ARHGEF10: variants seen among roughly 807,000 people sequenced by gnomAD.
ARHGEF10 encodes Rho guanine nucleotide exchange factor (GEF) 10.
A neutral mutation model predicts 147.4 loss-of-function variants in ARHGEF10; 140 were observed. The ratio of observed to expected loss-of-function variants is 0.95; its 90% CI spans 0.83 to 1.09. ARHGEF10 has a LOEUF of 1.09. Among genes scored for constraint, ARHGEF10 ranks in the 50% least tolerant of loss-of-function variants. The pLI is 0.00. For synonymous variants in ARHGEF10, 902 were observed against 695.8 expected (o/e 1.30, Z -4.67); for missense variants, 2,222 against 1,752.7 (o/e 1.27, Z -4.78).
At chr8:1,863,468 G>T (rs542079959) in intron 4 of ARHGEF10, among the ~76,000 whole-genome samples, 2 of 152,354 alleles carry the variant, frequency 1.3e-5, no homozygotes, top group East Asian at 3.9e-4. Context: ...ATTCCCTTTA[G>T]AAAGTGTTTC....
At chr8:1,867,983 A>G (rs1217877733) in intron 6 of ARHGEF10, among the ~76,000 whole-genome samples, 2 of 152,240 alleles carry the variant, frequency 1.3e-5, no homozygotes, top group East Asian at 1.9e-4. Context: ...CTGTTTGCTA[A>G]CAGTTTTATT....
intron 1 of ARHGEF10, among the ~76,000 whole-genome samples, chr8:1,842,630 G>GCCCTGGTCCCT (rs1804183169): frequency 6.6e-6 from 1 of 152,242 alleles, no homozygotes; most frequent in Non-Finnish European, 1.5e-5. Flanking sequence ...CTGGAGCCGA[G>GCCCTGGTCCCT]GCAGCTGGAG....
chr8:1,866,134 T>C (rs1455832167), intron 5 of ARHGEF10, among the ~76,000 whole-genome samples: 1 of 152,154 alleles, frequency 6.6e-6, no homozygotes, highest in Non-Finnish European at 1.5e-5. Flanking sequence ...CTCCTGGACA[T>C]GGAGACGGCC....
intron 15 of ARHGEF10, 114 bp from the exon 16 acceptor site, chr8:1,903,167 C>G (rs1810607426): frequency 7.5e-7 from 1 of 1,333,720 alleles, no homozygotes. Flanking sequence ...TATTTTTCCC[C>G]AGGATGGCAG....
At chr8:1,927,686 G>A (rs1396230653) in intron 23 of ARHGEF10, among the ~76,000 whole-genome samples, 2 of 152,116 alleles carry the variant, frequency 1.3e-5, no homozygotes, top group African/African-American at 2.4e-5. Flanking sequence ...AGGCCGAGGC[G>A]GGTGGATCAC....
rs147395180 is a variant in ARHGEF10, at chr8:1,957,180, G to C, written c.3952G>C (p.Val1318Leu). Residue 1318 changes from valine to leucine, a missense_variant, in exon 29 of 29, where the codon GTG (valine) becomes CTG (leucine). Transcript: ENST00000349830. ...VVCGGQGHRR[V>L]HRKARQPHQE... ...CTGTGGAGGGCAGGGCCACCGCCGG[G>C]TGCACAGGAAGGCCCGGCAGCCCCA... 39 of 1,612,488 alleles carry C rather than the reference G, an allele frequency of 2.4e-5. No homozygotes were observed. The East Asian group carries it at 8.0e-4, about 33-fold the overall frequency.
In ARHGEF10 at chr8:1,823,940, TC is replaced by T. The variant is rs1257613987; in HGVS notation, c.-218del. 6.8e-6 allele frequency: 1 copy of T among 147,786 alleles called. No individual in the cohort carries two copies. 9.2% of individuals were successfully genotyped at this position (147,786 alleles called of 1,614,324 possible). Reference sequence around the variant, plus strand: ...GTCCGGGCGGGAGGGGCTGGGCGCATCCCTGTAGCCGGCGGGCGCGCGATCC... The same window carrying T: ...GTCCGGGCGGGAGGGGCTGGGCGCATCCTGTAGCCGGCGGGCGCGCGATCC... On this transcript the variant is annotated 5_prime_UTR_variant, in exon 1 of 29. Transcript: ENST00000349830.
intron 26 of ARHGEF10, among the ~76,000 whole-genome samples, chr8:1,935,211 ACCCCCCACAACC>A (rs1563309390): frequency 6.6e-6 from 1 of 151,444 alleles, no homozygotes; most frequent in African/African-American, 2.4e-5. Context: ...ACACACGCAC[ACCCCCCACAACC>A]CCCCATCAGC....
chr8:1,939,480 C>T (rs544407358), intron 26 of ARHGEF10, among the ~76,000 whole-genome samples: 2 of 152,334 alleles, frequency 1.3e-5, no homozygotes, highest in African/African-American at 4.8e-5. Context: ...CCCTCCAGGC[C>T]TCAGGCTGGC....
intron 24 of ARHGEF10, 128 bp from the exon 25 acceptor site, chr8:1,929,158 G>T: frequency 9.8e-7 from 1 of 1,018,420 alleles, no homozygotes; most frequent in Non-Finnish European, 1.5e-6. Flanking sequence ...GTACTGGCAA[G>T]TGTCCCTAGG....
At chr8:1,904,432 G>A (rs1386051262) in intron 16 of ARHGEF10, 1 of 152,214 alleles carries the variant, frequency 6.6e-6, no homozygotes, top group Non-Finnish European at 1.5e-5. Flanking sequence ...ATGACATTCA[G>A]TAATGTAACT....
rs201007289 is a variant in ARHGEF10, at chr8:1,897,648, G to A, written c.1558-785G>A. Among the ~76,000 whole-genome samples the A allele has an allele frequency of 1.3e-5, 2 of 148,480 alleles. 1 individual carries two copies. The highest frequency in any genetic ancestry group is 5.0e-5 in the African/African-American group (2 of 40,160). The stretch of plus-strand genomic sequence containing the variant: ...GGCATCGGATTGCAGTTCCCACTGT[G>A]GACAGTTGTGGCCTCTGTCCTTTGG... On this transcript the variant is annotated intron_variant, in intron 14 of 28. Coordinates refer to ENST00000349830, the MANE Select transcript of ARHGEF10 (RefSeq NM_014629.4).
intron 5 of ARHGEF10, among the ~76,000 whole-genome samples, chr8:1,865,660 C>G (rs1377907655): frequency 6.6e-6 from 1 of 152,246 alleles, no homozygotes; most frequent in Non-Finnish European, 1.5e-5. Context: ...ACCTTGGGGC[C>G]TGTTAGAGCT....
intron 8 of ARHGEF10, among the ~76,000 whole-genome samples, chr8:1,877,289 G>C (rs189329433): frequency 1.3e-5 from 2 of 152,060 alleles, no homozygotes; most frequent in Admixed American, 6.6e-5. Context: ...GTGCAATGGC[G>C]CAATCTCAGC....
chr8:1,940,521 C>T (rs1036339858), intron 26 of ARHGEF10, among the ~76,000 whole-genome samples: 4 of 152,198 alleles, frequency 2.6e-5, no homozygotes, highest in African/African-American at 9.7e-5. Context: ...AAGCCCAGGA[C>T]CAGATGGCTT....
chr8:1,888,143 ACTTAGTGGGGCGAGG>A lies in ARHGEF10; in HGVS notation c.1182+2437_1182+2451del, dbSNP rs1563233540. On this transcript the variant is annotated intron_variant, in intron 11 of 28. Transcript: ENST00000349830. ...GTGGGGTGAGGGTTTGCGAGGAGAC[ACTTAGTGGGGCGAGG>A]GTTGCGAGGAGACAGTGAGTGGGGT... is the stretch of plus-strand genomic sequence containing the variant. 1.0e-4 allele frequency among the ~76,000 whole-genome samples: 10 copies of A among 96,940 alleles called. 2 individuals carry two copies. The highest frequency in any genetic ancestry group is 2.2e-4 in the Non-Finnish European group (10 of 45,126). The allele number at this position is 96,940 out of a possible 152,430, so 63.6% of individuals were successfully genotyped here.
chr8:1,950,519 A>ATTAT (rs566404844), intron 27 of ARHGEF10, among the ~76,000 whole-genome samples: 3,185 of 151,358 alleles, frequency 0.021, 108 homozygotes, highest in African/African-American at 0.065. Context: ...TACCCTTTTT[A>ATTAT]TTATTTATTT....
At chr8:1,828,026 G>A (rs1802870841) in intron 1 of ARHGEF10, among the ~76,000 whole-genome samples, 2 of 152,214 alleles carry the variant, frequency 1.3e-5, no homozygotes, top group African/African-American at 4.8e-5. Flanking sequence ...ATATCTTAAT[G>A]ACCGTCAGTC....
chr8:1,832,953 GGCAGAGGCAGAT>G lies in ARHGEF10; in HGVS notation c.-48+8841_-48+8852del, dbSNP rs146521821. ...AGGCAGAGACAGAAGCAGAGACAGA[GGCAGAGGCAGAT>G]ACAGAGGCAGAGAGAGACAGAGACA... On this transcript the variant is annotated intron_variant, in intron 1 of 28. Coordinates refer to ENST00000349830, the MANE Select transcript of ARHGEF10 (RefSeq NM_014629.4). 1.1e-3 allele frequency among the ~76,000 whole-genome samples: 101 copies of G among 90,540 alleles called. 3 individuals are homozygous for G. Among genetic ancestry groups the G allele is most frequent in the East Asian group, 2.9e-3 (9 of 3,118 alleles). 59.4% of individuals were successfully genotyped at this position (90,540 alleles called of 152,430 possible). A position where few individuals can be genotyped will look rare whatever the true frequency, so the allele number is the denominator to read the frequency against.
Sources: allele counts gnomAD v4.1 joint callset (sites outside exome capture counted in the v4.1 genomes callset), GRCh38; gene constraint gnomAD v4.1.1; transcripts MANE v1.5; gene names NCBI Gene and HGNC (gene_info 2026-07-23, HGNC 2026-07-21).